The following ITPK1 variants were observed in gnomAD, a reference collection of about 807,000 sequenced individuals.
The protein encoded by ITPK1 is inositol-tetrakisphosphate 1-kinase.
Under a neutral mutation model 45.3 loss-of-function variants are expected in ITPK1, and 21 were observed. The ratio of observed to expected loss-of-function variants is 0.46; its 90% CI spans 0.33 to 0.67. The LOEUF is 0.67. Among genes scored for constraint, ITPK1 ranks in the 30% least tolerant of loss-of-function variants. The probability of loss-of-function intolerance (pLI) is 0.02; values close to 1 mark genes in which losing one functional copy is unlikely to be tolerated. For missense variants in ITPK1, 474 were observed against 573.5 expected (o/e 0.83, Z 1.77); for synonymous variants, 258 against 253.6 (o/e 1.02, Z -0.16).
At chr14:92,988,075 C>T (rs1188879647) in intron 5 of ITPK1, among the ~76,000 whole-genome samples, 1 of 152,212 alleles carries the variant, frequency 6.6e-6, no homozygotes, top group Admixed American at 6.5e-5. Context: ...AGACAACAGC[C>T]GATGTGAAAA....
chr14:93,007,882 G>C (rs1456167009), intron 4 of ITPK1, among the ~76,000 whole-genome samples: 5 of 152,246 alleles, frequency 3.3e-5, no homozygotes, highest in African/African-American at 1.2e-4. Context: ...TTGGGGACTA[G>C]AAAATGGCAC....
Position 92,941,222 on chromosome 14 carries a change from G to A in ITPK1, c.*339C>T. The stretch of plus-strand genomic sequence containing the variant: ...AGTGGCCATGGAGACCAACAGACAG[G>A]GATGTGCACAGACACTGGCATGGCA... On this transcript the variant is annotated 3_prime_UTR_variant, in exon 11 of 11. Transcript: ENST00000267615. The A allele has an allele frequency of 1.5e-6, 2 of 1,302,316 alleles. No homozygotes were observed. Among genetic ancestry groups the A allele is most frequent in the Non-Finnish European group, 2.0e-6 (2 of 1,019,088 alleles). The allele number at this position is 1,302,316 out of a possible 1,614,324, so 80.7% of individuals were successfully genotyped here. A position where few individuals can be genotyped will look rare whatever the true frequency, so the allele number is the denominator to read the frequency against.
chr14:93,058,151 C>T (rs1236069222), intron 3 of ITPK1, among the ~76,000 whole-genome samples: 1 of 151,872 alleles, frequency 6.6e-6, no homozygotes, highest in Admixed American at 6.6e-5. Context: ...CTGTTAGGGC[C>T]CTGGGCCTGC....
chr14:93,107,656 A>G (rs1381965155), intron 2 of ITPK1, among the ~76,000 whole-genome samples: 25 of 152,034 alleles, frequency 1.6e-4, no homozygotes, highest in Admixed American at 1.6e-3. Context: ...GGGGATGCGG[A>G]GCGGGGTCTG....
At chr14:93,078,966 G>A (rs1159887458) in intron 2 of ITPK1, among the ~76,000 whole-genome samples, 1 of 152,006 alleles carries the variant, frequency 6.6e-6, no homozygotes. Flanking sequence ...GGTGACAGAG[G>A]AGCGCAGACT....
intron 5 of ITPK1, among the ~76,000 whole-genome samples, chr14:92,992,341 C>A (rs1020469985): frequency 6.6e-6 from 1 of 152,214 alleles, no homozygotes; most frequent in Non-Finnish European, 1.5e-5. Context: ...GAAGGTGACC[C>A]CAGGAGGGAA....
Position 93,063,724 on chromosome 14 carries a change from C to T in ITPK1, c.120+12871G>A, listed in dbSNP as rs1890629336. Among the ~76,000 whole-genome samples, 1 of 152,160 alleles carries T rather than the reference C, an allele frequency of 6.6e-6. No individual in the cohort carries two copies. The highest frequency in any genetic ancestry group is 2.4e-5 in the African/African-American group (1 of 41,424). On this transcript the variant is annotated intron_variant, in intron 3 of 10. Coordinates refer to ENST00000267615, the MANE Select transcript of ITPK1 (RefSeq NM_014216.6). The surrounding 1 kb of genome is among the most constrained non-coding windows in gnomAD (Gnocchi z 4.3). ...GCTATGCCATCACACCTCTAGAATCCAATCCCAGCTCCACAGCTCACATGC... is the reference window on the plus strand; with the variant it reads ...GCTATGCCATCACACCTCTAGAATCTAATCCCAGCTCCACAGCTCACATGC...
At chr14:93,037,499 G>A (rs958596996) in intron 3 of ITPK1, among the ~76,000 whole-genome samples, 1 of 152,216 alleles carries the variant, frequency 6.6e-6, no homozygotes, top group Admixed American at 6.5e-5. Flanking sequence ...CCAGGCCCCA[G>A]CCACCTAGAT....
intron 5 of ITPK1, among the ~76,000 whole-genome samples, chr14:92,987,864 C>T (rs146085754): frequency 4.9e-4 from 75 of 152,256 alleles, no homozygotes; most frequent in Admixed American, 2.2e-3. Context: ...GGCTTCCACA[C>T]GGCAGACGCC....
chr14:92,939,964 C>T lies in ITPK1; in HGVS notation c.*1597G>A, dbSNP rs3814829. 7.2e-5 allele frequency: 71 copies of T among 985,872 alleles called. 1 individual carries two copies. The East Asian group carries it at 4.5e-3, about 63-fold the overall frequency. 61.1% of individuals were successfully genotyped at this position (985,872 alleles called of 1,614,324 possible). A position where few individuals can be genotyped will look rare whatever the true frequency, so the allele number is the denominator to read the frequency against. On this transcript the variant is annotated 3_prime_UTR_variant, in exon 11 of 11. Transcript: ENST00000267615. ...TCAGGGTCAGAACTAGGAAAGGTGA[C>T]GTACAGACATTAATCGGGGTTCAAA...
chr14:93,083,051 T>C (rs1027965370), intron 2 of ITPK1, among the ~76,000 whole-genome samples: 2 of 152,166 alleles, frequency 1.3e-5, no homozygotes, highest in African/African-American at 4.8e-5. Context: ...AAAATTACTC[T>C]GGATGACCCA....
At chr14:92,981,744 C>T (rs1307537942) in intron 5 of ITPK1, among the ~76,000 whole-genome samples, 1 of 152,246 alleles carries the variant, frequency 6.6e-6, no homozygotes, top group Non-Finnish European at 1.5e-5. Flanking sequence ...GTGGGGAAGA[C>T]AGCGGCCAGC....
chr14:93,113,067 A>C (rs1892813336), intron 2 of ITPK1, among the ~76,000 whole-genome samples: 1 of 152,232 alleles, frequency 6.6e-6, no homozygotes, highest in African/African-American at 2.4e-5. Context: ...TCTTAGGCTT[A>C]AGTGATAAAA....
chr14:92,945,104 G>A (rs547343906), intron 10 of ITPK1, among the ~76,000 whole-genome samples: 105 of 152,316 alleles, frequency 6.9e-4, no homozygotes, highest in African/African-American at 2.5e-3. Context: ...TCTGTCCTCC[G>A]CCTCCTCCAG....
chr14:93,031,415 G>C (rs979487457), intron 3 of ITPK1, among the ~76,000 whole-genome samples: 11 of 152,216 alleles, frequency 7.2e-5, no homozygotes, highest in African/African-American at 2.7e-4. Context: ...TGAGGTGTCA[G>C]CACCTTGCCT....
At chr14:93,048,514 C>T (rs1463083449) in intron 3 of ITPK1, among the ~76,000 whole-genome samples, 1 of 152,180 alleles carries the variant, frequency 6.6e-6, no homozygotes, top group African/African-American at 2.4e-5. Flanking sequence ...CTGCCATGCT[C>T]GCCATGGTAG....
rs191572941 is a variant in ITPK1 at position 93,044,510 on chromosome 14, C to T, written c.121-27709G>A. On this transcript the variant is annotated intron_variant, in intron 3 of 10. Transcript: ENST00000267615. ...GTGAAGCTGGTGAGGATGCTGCACT[C>T]GGCCTGGCAGCAGATGGAAACTCTG... is the stretch of plus-strand genomic sequence containing the variant. Among the ~76,000 whole-genome samples the T allele has an allele frequency of 3.3e-4, 50 of 152,314 alleles. 1 individual carries two copies. In the East Asian group the frequency reaches 9.6e-3, roughly 29 times the overall value.
intron 2 of ITPK1, among the ~76,000 whole-genome samples, chr14:93,085,020 G>T (rs1023425728): frequency 2.6e-5 from 4 of 152,224 alleles, no homozygotes; most frequent in African/African-American, 9.6e-5. Flanking sequence ...CCTGGGCCTG[G>T]CAGGCTCTCT....
intron 5 of ITPK1, among the ~76,000 whole-genome samples, chr14:92,976,236 C>T (rs1213848597): frequency 6.6e-6 from 1 of 152,236 alleles, no homozygotes; most frequent in Non-Finnish European, 1.5e-5. Flanking sequence ...TGGGACTTCT[C>T]AGTCTCTATT....
Sources: gnomAD v4.1 joint callset for allele counts (sites outside exome capture counted in the v4.1 genomes callset) on GRCh38, gnomAD v4.1.1 for gene constraint, Gnocchi (gnomAD v3.1) non-coding constraint, MANE v1.5 for transcripts, NCBI Gene and HGNC (gene_info 2026-07-23, HGNC 2026-07-21) for gene names.